MTFMT: variants seen among roughly 807,000 people sequenced by gnomAD.
The protein encoded by MTFMT is methionyl-tRNA formyltransferase, mitochondrial.
Under a neutral mutation model 51.8 loss-of-function variants are expected in MTFMT, and 47 were observed. The observed-to-expected ratio is 0.91, with a 90% CI of 0.72 to 1.16. MTFMT has a LOEUF of 1.16. Among genes scored for constraint, MTFMT ranks in the 50% most tolerant of loss-of-function variants. The pLI is 0.00. For missense variants in MTFMT, 512 were observed against 482.3 expected (o/e 1.06, Z -0.58); for synonymous variants, 196 against 176.7 (o/e 1.11, Z -0.87).
At chr15:65,008,048 T>C (rs1303916548) in intron 6 of MTFMT, among the ~76,000 whole-genome samples, 2 of 152,212 alleles carry the variant, frequency 1.3e-5, no homozygotes, top group African/African-American at 2.4e-5. Flanking sequence ...TCAGTTGTGC[T>C]TTTTTATAGT....
rs568247135 is a variant in MTFMT at position 65,010,312 on chromosome 15, G to A, written c.814-4121C>T. On this transcript the variant is annotated intron_variant, in intron 6 of 8. Transcript: ENST00000220058. ...CAGGGTCATTCAACCAATGTCACTC[G>A]TTTTTTTCTTGCCTAATTTTTAGAA... is the stretch of plus-strand genomic sequence containing the variant. 9.2e-5 allele frequency among the ~76,000 whole-genome samples: 14 copies of A among 151,866 alleles called. No individual in the cohort carries two copies. In the South Asian group the frequency reaches 1.9e-3, roughly 20 times the overall value.
rs1056056384 is a variant in MTFMT, at chr15:65,029,569, A to T, written c.45T>A (p.His15Gln). 1 of 1,501,204 alleles carries T rather than the reference A, an allele frequency of 6.7e-7. No individual in the cohort carries two copies. Among genetic ancestry groups the T allele is most frequent in the Non-Finnish European group, 8.9e-7 (1 of 1,125,418 alleles). 93.0% of individuals were successfully genotyped at this position (1,501,204 alleles called of 1,614,324 possible). Residue 15 changes from histidine to glutamine, a missense_variant, in exon 1 of 9, where the codon CAT becomes CAA. By Grantham distance (24) the His-to-Gln change is conservative. Coordinates refer to ENST00000220058, the MANE Select transcript of MTFMT (RefSeq NM_139242.4). ...GACTCGGCCTCCCACGCCTGGCGCC[A>T]TGAGCCAGCGGAGGACCCCAACAGC... Reference protein sequence around the residue: ...VRRCWGPPLAHGARRGRPSPQ... With the variant: ...VRRCWGPPLAQGARRGRPSPQ...
chr15:65,018,113 T>C (rs2086339728), intron 5 of MTFMT, among the ~76,000 whole-genome samples: 1 of 151,736 alleles, frequency 6.6e-6, no homozygotes, highest in Non-Finnish European at 1.5e-5. Context: ...AAATATTTTA[T>C]GCATTCAAAA....
intron 6 of MTFMT, among the ~76,000 whole-genome samples, chr15:65,014,823 G>A (rs1180695402): frequency 6.6e-6 from 1 of 150,862 alleles, no homozygotes; most frequent in Non-Finnish European, 1.5e-5. Flanking sequence ...GTAGAGACAG[G>A]GTTTCACTAT....
Position 65,004,854 on chromosome 15 carries a change from C to T in MTFMT, c.975G>A (p.Lys325=), listed in dbSNP as rs1289268222. ...KQSQILLVYC[K]DGWIGVRSVM... ...AACTTGAAACTAATGAAAAACATACCTTGCAATAAACCAATAGTATTTGTG... is the reference window on the plus strand; with the variant it reads ...AACTTGAAACTAATGAAAAACATACTTTGCAATAAACCAATAGTATTTGTG... The change falls in exon 8 of 9, where the codon AAG becomes AAA. Residue 325 remains lysine (K), a splice_region_variant and synonymous_variant. Coordinates refer to ENST00000220058, the MANE Select transcript of MTFMT (RefSeq NM_139242.4). 6.3e-7 allele frequency: 1 copy of T among 1,579,620 alleles called. No homozygotes were observed. Among genetic ancestry groups the T allele is most frequent in the Non-Finnish European group, 8.7e-7 (1 of 1,154,352 alleles).
Position 65,016,437 on chromosome 15 carries a change from A to C in MTFMT, c.812T>G (p.Ile271Arg). 6.3e-7 allele frequency: 1 copy of C among 1,595,590 alleles called. No individual in the cohort carries two copies. Among genetic ancestry groups the C allele is most frequent in the Non-Finnish European group, 8.6e-7 (1 of 1,167,384 alleles). Residue 271 changes from isoleucine to arginine, a missense_variant and splice_region_variant, in exon 6 of 9, where the codon ATA becomes AGA. Coordinates refer to ENST00000220058, the MANE Select transcript of MTFMT (RefSeq NM_139242.4). The part of the protein sequence containing the change: ...IFRLYRAIGN[I>R]IPLQTLWMAN... ...CTGCAACCTGACTTCCCAACTTACT[A>C]TATTTCCAATGGCACGGTAAAGTCT... is the stretch of plus-strand genomic sequence containing the variant.
At chr15:65,028,504 G>C (rs1300210439) in intron 1 of MTFMT, among the ~76,000 whole-genome samples, 1 of 152,188 alleles carries the variant, frequency 6.6e-6, no homozygotes, top group Non-Finnish European at 1.5e-5. Context: ...TGTGCAAAGG[G>C]AACATGGGGT....
intron 2 of MTFMT, chr15:65,026,025 G>A (rs544144334): frequency 6.6e-6 from 1 of 152,358 alleles, no homozygotes; most frequent in African/African-American, 2.4e-5. Context: ...AGTGAGCCCG[G>A]GCATGGCTGA....
chr15:65,023,825 C>A, intron 2 of MTFMT, 31 bp from the exon 3 acceptor site: 2 of 1,587,730 alleles, frequency 1.3e-6, no homozygotes, highest in South Asian at 2.3e-5. Flanking sequence ...ATTAGTATGT[C>A]AGTGGGCTTT....
At chr15:65,016,856 C>T (rs572392095) in intron 5 of MTFMT, among the ~76,000 whole-genome samples, 17 of 150,904 alleles carry the variant, frequency 1.1e-4, no homozygotes, top group African/African-American at 4.1e-4. Context: ...TCTCAGCTCA[C>T]TGCAACCTCC....
At position 65,020,219 on chromosome 15, in the gene MTFMT, C is replaced by A. The variant is rs1456569512; in HGVS notation, c.699G>T (p.Gln233His). ...CACCGTAAGTCGCCCCCTCCATTGG[C>A]TGCTGCCTTCCATTGCTCAGACTTT... ...LPESLSNGRQQPMEGATYAPK... is the reference protein window; with the variant it reads ...LPESLSNGRQHPMEGATYAPK... Residue 233 changes from glutamine to histidine, a missense_variant, in exon 5 of 9, where the codon CAG becomes CAT. Coordinates refer to ENST00000220058, the MANE Select transcript of MTFMT (RefSeq NM_139242.4). 6.2e-7 allele frequency: 1 copy of A among 1,612,362 alleles called. No individual in the cohort carries two copies. Among genetic ancestry groups the A allele is most frequent in the East Asian group, 2.2e-5 (1 of 44,842 alleles).
chr15:65,027,165 A>G, intron 1 of MTFMT, 125 bp from the exon 2 acceptor site: 1 of 709,708 alleles, frequency 1.4e-6, no homozygotes, highest in Non-Finnish European at 2.3e-6. Context: ...AATGATTAAA[A>G]CTAGTGTGAG....
chr15:65,006,719 T>A (rs1285963489), intron 6 of MTFMT, among the ~76,000 whole-genome samples: 5 of 152,146 alleles, frequency 3.3e-5, no homozygotes, highest in Non-Finnish European at 7.3e-5. Flanking sequence ...AATGTTTATA[T>A]CTAATATACT....
At chr15:65,006,000 C>T in intron 7 of MTFMT, 113 bp downstream of exon 7, 1 of 658,804 alleles carries the variant, frequency 1.5e-6, no homozygotes, top group Non-Finnish European at 2.6e-6. Flanking sequence ...AATTACTGAA[C>T]TGAAACAAAC....
intron 5 of MTFMT, among the ~76,000 whole-genome samples, chr15:65,019,626 TAGAG>T (rs370203359): frequency 2.0e-5 from 3 of 151,676 alleles, no homozygotes; most frequent in Non-Finnish European, 2.9e-5. Context: ...GTCAATGACA[TAGAG>T]AGAGGAAAAA....
chr15:65,002,928 A>C lies in MTFMT; in HGVS notation c.*134T>G. On this transcript the variant is annotated 3_prime_UTR_variant, in exon 9 of 9. Transcript: ENST00000220058. Reference sequence around the variant, plus strand: ...CAGTGAGCTGAGATAGTGCCACTGGATTCCAGCCTGGGTGACAGAGTGAGA... The same window carrying C: ...CAGTGAGCTGAGATAGTGCCACTGGCTTCCAGCCTGGGTGACAGAGTGAGA... The C allele has an allele frequency of 5.4e-6, 3 of 550,472 alleles. No individual in the cohort carries two copies. Among genetic ancestry groups the C allele is most frequent in the Non-Finnish European group, 8.5e-6 (3 of 354,392 alleles). The allele number at this position is 550,472 out of a possible 1,614,324, so 34.1% of individuals were successfully genotyped here.
Position 65,016,505 on chromosome 15 carries a change from G to A in MTFMT, c.744C>T (p.Thr248=). ...ATYAPKISAG[T]SCIKWEEQTS... ...TTTGTTCCTCCCATTTTATACAACT[G>A]GTACCAGCAGAAATCTTAGGGGCTA... The change falls in exon 6 of 9, where the codon ACC becomes ACT. Residue 248 remains threonine, a synonymous_variant. Transcript: ENST00000220058. The A allele has an allele frequency of 4.3e-6, 7 of 1,611,604 alleles. No individual in the cohort carries two copies. Among genetic ancestry groups the A allele is most frequent in the Non-Finnish European group, 5.9e-6 (7 of 1,178,278 alleles).
chr15:65,025,921 A>G (rs1356808138), intron 2 of MTFMT, among the ~76,000 whole-genome samples: 2 of 152,174 alleles, frequency 1.3e-5, no homozygotes, highest in Non-Finnish European at 2.9e-5. Context: ...CATGCCACAA[A>G]TAAAATGTTC....
At chr15:65,012,119 G>A (rs1226465412) in intron 6 of MTFMT, among the ~76,000 whole-genome samples, 1 of 107,832 alleles carries the variant, frequency 9.3e-6, no homozygotes, top group Non-Finnish European at 1.7e-5. Context: ...GATTGTCTTG[G>A]CACTCTTGTC....
Sources: allele counts gnomAD v4.1 joint callset (sites outside exome capture counted in the v4.1 genomes callset), GRCh38; gene constraint gnomAD v4.1.1; transcripts MANE v1.5; gene names NCBI Gene and HGNC (gene_info 2026-07-23, HGNC 2026-07-21).